MGST2: variants seen among roughly 807,000 people sequenced by gnomAD.
MGST2 encodes the protein glutathione peroxidase MGST2.
MGST2 carries 9 observed loss-of-function variants against 16.6 expected under a neutral mutation model. The ratio of observed to expected loss-of-function variants is 0.54; its 90% CI spans 0.33 to 0.95. The LOEUF is 0.95. Among genes scored for constraint, MGST2 ranks in the 40% least tolerant of loss-of-function variants. The pLI is 0.03. For synonymous variants in MGST2, 79 were observed against 68.0 expected (o/e 1.16, Z -0.79); for missense variants, 159 against 175.1 (o/e 0.91, Z 0.52).
intron 5 of MGST2, chr4:139,730,690 G>A (rs747954904): frequency 3.8e-6 from 6 of 1,596,754 alleles, no homozygotes; most frequent in Non-Finnish European, 1.7e-6. Flanking sequence ...GAGAGAGGGA[G>A]ATGCAGGGAT....
chr4:139,733,618 C>T (rs1360156766), intron 5 of MGST2, among the ~76,000 whole-genome samples: 1 of 151,366 alleles, frequency 6.6e-6, no homozygotes, highest in African/African-American at 2.4e-5. Flanking sequence ...CAAATAATTC[C>T]CTCCCAGAGG....
chr4:139,668,363 G>A (rs565222852), intron 1 of MGST2, among the ~76,000 whole-genome samples: 144 of 152,308 alleles, frequency 9.5e-4, no homozygotes, highest in African/African-American at 3.3e-3. Flanking sequence ...CCTGGCAAGG[G>A]AAAGGGATTT....
chr4:139,674,440 T>C (rs1200144482), intron 1 of MGST2, among the ~76,000 whole-genome samples: 1 of 152,040 alleles, frequency 6.6e-6, no homozygotes. Flanking sequence ...GGAATTTCCT[T>C]GTGGGTAAAT....
chr4:139,700,127 C>CTTTTTTTTT (rs56662682), intron 3 of MGST2, among the ~76,000 whole-genome samples: 6 of 82,972 alleles, frequency 7.2e-5, no homozygotes, highest in East Asian at 4.3e-4. Context: ...TTTGGTTTTG[C>CTTTTTTTTT]TTTTTTTTTT....
chr4:139,743,177 T>TA (rs1729218540), downstream of MGST2, among the ~76,000 whole-genome samples: 1 of 152,356 alleles, frequency 6.6e-6, no homozygotes, highest in Non-Finnish European at 1.5e-5. Context: ...CACCTAAAGT[T>TA]ACACGCCTCC....
chr4:139,721,408 T>C (rs901499885), intron 5 of MGST2, among the ~76,000 whole-genome samples: 7 of 152,166 alleles, frequency 4.6e-5, no homozygotes, highest in Non-Finnish European at 7.3e-5. Context: ...AGAAAAATAG[T>C]TTTTTTCCTG....
rs4057275 is a variant in MGST2 at position 139,729,156 on chromosome 4, CAAAAAA to C, written c.*49-11038_*49-11033del. 9.8e-5 allele frequency among the ~76,000 whole-genome samples: 8 copies of C among 81,700 alleles called. No homozygotes were observed. The East Asian group carries it at 1.2e-3, about 12-fold the overall frequency. The allele number at this position is 81,700 out of a possible 152,430, so 53.6% of individuals were successfully genotyped here. Reference sequence around the variant, plus strand: ...TTACACAGCTGTTCAGGAACAAAAGCAAAAAAAAAAAAAAAAAAAAAAAGGGAACAT... The same window carrying C: ...TTACACAGCTGTTCAGGAACAAAAGCAAAAAAAAAAAAAAAAAGGGAACAT... On this transcript the variant is annotated intron_variant, in intron 5 of 5. Coordinates refer to the MGST2 transcript ENST00000616265.
intron 2 of MGST2, chr4:139,687,737 C>G (rs1228389375): frequency 6.6e-6 from 1 of 152,180 alleles, no homozygotes; most frequent in Non-Finnish European, 1.5e-5. Flanking sequence ...AAGGTCATCT[C>G]AGGGTGGGTA....
chr4:139,749,164 GT>G, the MGST2 span, among the ~76,000 whole-genome samples: 1 of 152,132 alleles, frequency 6.6e-6, no homozygotes, highest in Non-Finnish European at 1.5e-5. Context: ...TAAATGTACA[GT>G]TTCTATGTTC....
At chr4:139,724,509 C>T (rs1728387257) in intron 5 of MGST2, among the ~76,000 whole-genome samples, 1 of 152,142 alleles carries the variant, frequency 6.6e-6, no homozygotes, top group South Asian at 2.1e-4. Context: ...TTCAGGGATA[C>T]TTGTGAAATT....
chr4:139,680,008 C>T (rs1443498907), intron 2 of MGST2, among the ~76,000 whole-genome samples: 1 of 152,210 alleles, frequency 6.6e-6, no homozygotes, highest in East Asian at 1.9e-4. Flanking sequence ...CTCCCTCTAT[C>T]CCTAGAGATA....
intron 2 of MGST2, among the ~76,000 whole-genome samples, chr4:139,689,092 G>C (rs1468705036): frequency 1.5e-5 from 2 of 135,102 alleles, no homozygotes; most frequent in Non-Finnish European, 3.1e-5. Context: ...GGGTGACAGA[G>C]TGAGACGCCA....
At chr4:139,680,965 T>A (rs765119115) in intron 2 of MGST2, among the ~76,000 whole-genome samples, 15 of 152,188 alleles carry the variant, frequency 9.9e-5, no homozygotes, top group South Asian at 4.1e-4. Flanking sequence ...TTCACTGTGC[T>A]CAACCCCAGG....
intron 5 of MGST2, among the ~76,000 whole-genome samples, chr4:139,716,492 T>C (rs1727965134): frequency 6.6e-6 from 1 of 152,240 alleles, no homozygotes; most frequent in Non-Finnish European, 1.5e-5. Flanking sequence ...TGGATTGCAC[T>C]ATGTTCCATG....
chr4:139,732,293 A>C (rs1039540754), intron 5 of MGST2, among the ~76,000 whole-genome samples: 2 of 152,160 alleles, frequency 1.3e-5, no homozygotes, highest in African/African-American at 4.8e-5. Context: ...CCTGGATTTG[A>C]TTCCCTATGG....
At chr4:139,740,093 A>G (rs1439885823) in intron 5 of MGST2, 2 of 152,172 alleles carry the variant, frequency 1.3e-5, no homozygotes, top group African/African-American at 4.8e-5. Context: ...TGCTGCCACA[A>G]AGAGCTCCTA....
chr4:139,696,147 G>A (rs1025929657), intron 3 of MGST2, among the ~76,000 whole-genome samples: 16 of 152,146 alleles, frequency 1.1e-4, no homozygotes, highest in African/African-American at 2.7e-4. Flanking sequence ...TCATTTTCAC[G>A]TTGAGTAAGC....
At chr4:139,752,417 G>A in the MGST2 span, among the ~76,000 whole-genome samples, 12 of 152,158 alleles carry the variant, frequency 7.9e-5, no homozygotes, top group Non-Finnish European at 1.8e-4. Flanking sequence ...CTCTTCCAGT[G>A]TGTGGCACCC....
downstream of MGST2, among the ~76,000 whole-genome samples, chr4:139,709,040 T>C (rs1318287328): frequency 7.0e-6 from 1 of 143,686 alleles, no homozygotes; most frequent in Non-Finnish European, 1.5e-5. Context: ...AAAAAACAAC[T>C]ATGGATGACC....
Sources: allele counts gnomAD v4.1 joint callset (sites outside exome capture counted in the v4.1 genomes callset), GRCh38; gene constraint gnomAD v4.1.1; transcripts MANE v1.5; gene names NCBI Gene and HGNC (gene_info 2026-07-23, HGNC 2026-07-21).